Variants in LHFPL3 observed in about 807,000 individuals in gnomAD.
The protein encoded by LHFPL3 is LHFPL tetraspan subfamily member 3 protein.
Under a neutral mutation model 19.3 loss-of-function variants are expected in LHFPL3, and 5 were observed. The observed-to-expected ratio is 0.26, with a 90% confidence interval of 0.14 to 0.54. The LOEUF is 0.54. Among genes scored for constraint, LHFPL3 ranks in the 20% least tolerant of loss-of-function variants. LHFPL3 has a pLI of 0.94. For synonymous variants in LHFPL3, 133 were observed against 126.2 expected (o/e 1.05, Z -0.36); for missense variants, 249 against 307.4 (o/e 0.81, Z 1.42).
In LHFPL3 at chr7:104,781,704, T is replaced by C. The variant is rs554446369; in HGVS notation, c.682+44793T>C. 5.9e-5 allele frequency among the ~76,000 whole-genome samples: 9 copies of C among 152,340 alleles called. No homozygotes were observed. The South Asian group carries it at 1.7e-3, about 28-fold the overall frequency. The stretch of plus-strand genomic sequence containing the variant: ...TCTGAACTTATCAGACTTTCTTCAA[T>C]GTCACCAGTGACATCTGTGGCATTA... On this transcript the variant is annotated intron_variant, in intron 2 of 2. Coordinates refer to ENST00000424859, the MANE Select transcript of LHFPL3 (RefSeq NM_199000.3).
At chr7:104,666,773 C>T (rs939920529) in intron 1 of LHFPL3, among the ~76,000 whole-genome samples, 2 of 151,826 alleles carry the variant, frequency 1.3e-5, no homozygotes, top group Non-Finnish European at 2.9e-5. Context: ...CCGCCCGCCT[C>T]GGCCTCCCAA....
intron 1 of LHFPL3, among the ~76,000 whole-genome samples, chr7:104,603,654 C>G (rs1220559181): frequency 6.6e-6 from 1 of 152,156 alleles, no homozygotes; most frequent in Non-Finnish European, 1.5e-5. Context: ...TTATTTACTT[C>G]CAAAATACAG....
At chr7:104,651,998 C>T (rs1322308573) in intron 1 of LHFPL3, among the ~76,000 whole-genome samples, 4 of 152,126 alleles carry the variant, frequency 2.6e-5, no homozygotes, top group Non-Finnish European at 5.9e-5. Context: ...CCATATGATC[C>T]ACAGGCTTTT....
chr7:104,356,033 A>G (rs796828318), intron 1 of LHFPL3, among the ~76,000 whole-genome samples: 1 of 152,258 alleles, frequency 6.6e-6, no homozygotes, highest in South Asian at 2.1e-4. Context: ...GTAGGCATTA[A>G]TAACAAAGAC....
intron 1 of LHFPL3, among the ~76,000 whole-genome samples, chr7:104,551,820 C>T (rs186479178): frequency 1.3e-3 from 197 of 152,190 alleles, no homozygotes; most frequent in African/African-American, 4.4e-3. Flanking sequence ...AGCAGGAGAA[C>T]GGAGGGAAAG....
In LHFPL3 at chr7:104,736,670, C is replaced by T. The variant is rs1793828824; in HGVS notation, c.446-5C>T. The T allele has an allele frequency of 6.2e-7, 1 of 1,600,018 alleles. No individual in the cohort carries two copies. The highest frequency in any genetic ancestry group is 2.2e-5 in the East Asian group (1 of 44,658). On this transcript the variant is annotated splice_polypyrimidine_tract_variant and splice_region_variant and intron_variant, in intron 1 of 2. Coordinates refer to ENST00000424859, the MANE Select transcript of LHFPL3 (RefSeq NM_199000.3). ...TTCTTTTGTTTTTCTCTCTTTCTCT[C>T]CAAGCTGCCTGCCTTGTGCTTGGCT...
intron 1 of LHFPL3, among the ~76,000 whole-genome samples, chr7:104,393,214 G>A (rs1562884096): frequency 6.6e-6 from 1 of 152,108 alleles, no homozygotes; most frequent in Non-Finnish European, 1.5e-5. Flanking sequence ...TACCTTGCTG[G>A]TCGTAATGTA....
At chr7:104,729,124 A>C (rs1034674942) in intron 1 of LHFPL3, among the ~76,000 whole-genome samples, 1 of 152,212 alleles carries the variant, frequency 6.6e-6, no homozygotes, top group Non-Finnish European at 1.5e-5. Context: ...GTGGTGCCAC[A>C]CTATTTTGCA....
intron 1 of LHFPL3, among the ~76,000 whole-genome samples, chr7:104,577,030 A>T (rs1790351030): frequency 6.6e-6 from 1 of 152,190 alleles, no homozygotes; most frequent in Admixed American, 6.5e-5. Context: ...TTTCACTCTT[A>T]TAAGGCACTT....
At chr7:104,558,123 A>C (rs1196194789) in intron 1 of LHFPL3, among the ~76,000 whole-genome samples, 1 of 150,376 alleles carries the variant, frequency 6.6e-6, no homozygotes, top group Non-Finnish European at 1.5e-5. Flanking sequence ...ATTGTGAATA[A>C]TGCCGCAATA....
At chr7:104,442,789 C>T (rs778500661) in intron 1 of LHFPL3, among the ~76,000 whole-genome samples, 2 of 152,140 alleles carry the variant, frequency 1.3e-5, no homozygotes, top group East Asian at 1.9e-4. Context: ...TTTTGGGTGG[C>T]GACTTTTCAA....
intron 2 of LHFPL3, among the ~76,000 whole-genome samples, chr7:104,877,276 T>TAAA (rs60073592): frequency 7.2e-6 from 1 of 138,376 alleles, no homozygotes; most frequent in Non-Finnish European, 1.5e-5. Flanking sequence ...TAAAGTATAA[T>TAAA]AAAAAAAAAA....
intron 1 of LHFPL3, among the ~76,000 whole-genome samples, chr7:104,467,628 T>A (rs186880317): frequency 7.2e-5 from 11 of 152,366 alleles, no homozygotes; most frequent in Non-Finnish European, 1.6e-4. Flanking sequence ...TTTGGCAGAC[T>A]GCATATAGAT....
intron 1 of LHFPL3, among the ~76,000 whole-genome samples, chr7:104,614,650 T>TCTCTTCTCTCCTCTCCTCTC (rs1554415296): frequency 9.1e-6 from 1 of 109,862 alleles, no homozygotes; most frequent in African/African-American, 3.6e-5. Context: ...TCTCTTCTCT[T>TCTCTTCTCTCCTCTCCTCTC]CTCTCCTTCC....
intron 2 of LHFPL3, among the ~76,000 whole-genome samples, chr7:104,830,709 A>C (rs564081294): frequency 6.6e-6 from 1 of 152,018 alleles, no homozygotes; most frequent in African/African-American, 2.4e-5. Flanking sequence ...TTTTGGTACC[A>C]GTACCATGCT....
intron 2 of LHFPL3, among the ~76,000 whole-genome samples, chr7:104,747,039 T>C (rs973543789): frequency 6.6e-6 from 1 of 152,350 alleles, no homozygotes; most frequent in African/African-American, 2.4e-5. Context: ...ATAAGGGTGA[T>C]CATAGTTGGT....
chr7:104,654,606 A>G (rs1276293416), intron 1 of LHFPL3, among the ~76,000 whole-genome samples: 1 of 152,124 alleles, frequency 6.6e-6, no homozygotes, highest in South Asian at 2.1e-4. Context: ...AATTAGACAT[A>G]CTACTTGCAA....
chr7:104,769,639 G>A (rs575362083), intron 2 of LHFPL3, among the ~76,000 whole-genome samples: 3 of 147,482 alleles, frequency 2.0e-5, no homozygotes, highest in African/African-American at 5.1e-5. Flanking sequence ...GCCCCGGTGT[G>A]TGATGTTCCC....
At chr7:104,486,774 T>G (rs1793245023) in intron 1 of LHFPL3, among the ~76,000 whole-genome samples, 1 of 152,208 alleles carries the variant, frequency 6.6e-6, no homozygotes, top group Admixed American at 6.5e-5. Flanking sequence ...TTATTTTTAT[T>G]AATTTCTTCC....
Sources: allele counts gnomAD v4.1 joint callset (sites outside exome capture counted in the v4.1 genomes callset), GRCh38; gene constraint gnomAD v4.1.1; transcripts MANE v1.5; gene names NCBI Gene and HGNC (gene_info 2026-07-23, HGNC 2026-07-21).